The following PCDH11X variants were observed in gnomAD, a reference collection of about 807,000 sequenced individuals.
PCDH11X encodes the protein protocadherin-11 X-linked.
A neutral mutation model predicts 53.3 loss-of-function variants in PCDH11X; 18 were observed. The observed-to-expected ratio is 0.34, with a 90% CI of 0.23 to 0.50. The LOEUF is 0.50. Ranked by LOEUF, PCDH11X falls within the 20% of genes least tolerant of loss-of-function variation. The pLI is 0.98. For missense variants in PCDH11X, 570 were observed against 1,032.4 expected (o/e 0.55, Z 6.14); for synonymous variants, 279 against 393.3 (o/e 0.71, Z 3.44).
intron 7 of PCDH11X, among the ~76,000 whole-genome samples, chrX:92,245,320 A>T (rs148276977): frequency 0.016 from 1,743 of 112,188 alleles, 31 homozygotes; most frequent in African/African-American, 0.054. Flanking sequence ...TGGCAGCATG[A>T]TAGATATTGG....
In PCDH11X at chrX:92,475,122, G is replaced by A. The variant is rs866712408; in HGVS notation, c.3367+6800G>A. On this transcript the variant is annotated intron_variant, in intron 10 of 10. Transcript: ENST00000682573. ...GGAGCTTGCAGTGAGCCGAGATCCC[G>A]CCACTGCACTCCAGCCTGGGCGACA... is the stretch of plus-strand genomic sequence containing the variant. 4.2e-3 allele frequency among the ~76,000 whole-genome samples: 329 copies of A among 77,951 alleles called. 1 individual carries two copies. Among genetic ancestry groups the A allele is most frequent in the African/African-American group, 0.016 (299 of 18,468 alleles). 67.7% of individuals were successfully genotyped at this position (77,951 alleles called of 115,157 possible).
At chrX:92,506,128 T>C (rs2074052238) in intron 10 of PCDH11X, among the ~76,000 whole-genome samples, 1 of 110,469 alleles carries the variant, frequency 9.1e-6, no homozygotes, top group African/African-American at 3.3e-5. Context: ...TTTGAATTAA[T>C]GTTTGGATAA....
chrX:91,890,451 T>A (rs1940423266), intron 6 of PCDH11X, among the ~76,000 whole-genome samples: 1 of 75,027 alleles, frequency 1.3e-5, no homozygotes, highest in Non-Finnish European at 3.2e-5. Flanking sequence ...TTTAAAAAAA[T>A]TATTTGTCTG....
intron 6 of PCDH11X, among the ~76,000 whole-genome samples, chrX:92,045,116 C>G: frequency 9.6e-6 from 1 of 104,352 alleles, no homozygotes; most frequent in Admixed American, 1.1e-4. Context: ...TTTTTCTCTC[C>G]TCCTCTGCTC....
chrX:92,618,221 C>T (rs1221683036), intron 10 of PCDH11X, 43 bp from the exon 11 acceptor site: 3 of 1,163,817 alleles, frequency 2.6e-6, no homozygotes, highest in South Asian at 3.8e-5. Flanking sequence ...AAAAATATGC[C>T]TTTGAAATAT....
At chrX:92,170,949 G>A (rs775703056) in intron 6 of PCDH11X, among the ~76,000 whole-genome samples, 118 of 77,394 alleles carry the variant, frequency 1.5e-3, no homozygotes, top group African/African-American at 4.9e-3. Context: ...GATCCACTGC[G>A]CCCGGCCAAG....
chrX:92,082,463 C>A lies in PCDH11X; in HGVS notation c.3034-118912C>A, dbSNP rs183199006. ...TGCTCTTGTTGTCACAAGGATAATA[C>A]GGAGTATTTAAAAATGAGTGATAAG... On this transcript the variant is annotated intron_variant, in intron 6 of 10. Transcript: ENST00000682573. Among the ~76,000 whole-genome samples, 41 of 111,100 alleles carry A rather than the reference C, an allele frequency of 3.7e-4. No homozygotes were observed. The East Asian group carries it at 0.011, about 30-fold the overall frequency.
At position 91,913,224 on chromosome X, in the gene PCDH11X, G is replaced by A. The variant is rs1190006377; in HGVS notation, c.3033+33951G>A. Among the ~76,000 whole-genome samples the A allele has an allele frequency of 4.5e-5, 5 of 111,269 alleles. No individual in the cohort carries two copies. The East Asian group carries it at 1.4e-3, about 32-fold the overall frequency. ...TTGAGTCCAGTCTGGGGGATGGGAG[G>A]GAGCTGCTGCACATACAAGCAAGTG... On this transcript the variant is annotated intron_variant, in intron 6 of 10. Transcript: ENST00000682573.
chrX:92,175,776 GTA>G (rs1307418902), intron 6 of PCDH11X, among the ~76,000 whole-genome samples: 2,565 of 79,260 alleles, frequency 0.032, 71 homozygotes, highest in East Asian at 0.23. Context: ...GTGTGTGTGT[GTA>G]TATATATACA....
At chrX:92,120,807 A>G (rs1009960345) in intron 6 of PCDH11X, among the ~76,000 whole-genome samples, 14 of 111,852 alleles carry the variant, frequency 1.3e-4, no homozygotes, top group African/African-American at 4.2e-4. Context: ...GGCATAAATG[A>G]TTTAGACTGA....
intron 10 of PCDH11X, among the ~76,000 whole-genome samples, chrX:92,492,295 T>C (rs142464039): frequency 1.7e-4 from 19 of 112,065 alleles, no homozygotes; most frequent in African/African-American, 6.2e-4. Flanking sequence ...TAAACTTTGA[T>C]GTAACCCACA....
intron 6 of PCDH11X, chrX:91,883,703 G>A (rs1292754820): frequency 2.0e-5 from 11 of 537,791 alleles, no homozygotes; most frequent in African/African-American, 2.6e-5. Flanking sequence ...TACTCGGGAG[G>A]CTGAGGCAGG....
chrX:92,577,170 C>A (rs1923080144), intron 10 of PCDH11X, among the ~76,000 whole-genome samples: 1 of 110,257 alleles, frequency 9.1e-6, no homozygotes, highest in South Asian at 3.8e-4. Context: ...AATCCATCTG[C>A]TCCTAGACTT....
In PCDH11X at chrX:92,494,076, ACC is replaced by A. The variant is rs750618073; in HGVS notation, c.3367+25756_3367+25757del. Among the ~76,000 whole-genome samples the A allele has an allele frequency of 3.3e-3, 355 of 107,325 alleles. 2 individuals are homozygous for A. Among genetic ancestry groups the A allele is most frequent in the African/African-American group, 0.012 (342 of 29,632 alleles). 93.2% of individuals were successfully genotyped at this position (107,325 alleles called of 115,157 possible). A position where few individuals can be genotyped will look rare whatever the true frequency, so the allele number is the denominator to read the frequency against. On this transcript the variant is annotated intron_variant, in intron 10 of 10. Transcript: ENST00000682573. ...AGAAGCATCTGCTGAAGAGTTAAACACCCATACCAAAAGAACCATTTCGCTAT... is the reference window on the plus strand; with the variant it reads ...AGAAGCATCTGCTGAAGAGTTAAACACATACCAAAAGAACCATTTCGCTAT...
chrX:92,174,807 C>T (rs774800666), intron 6 of PCDH11X, among the ~76,000 whole-genome samples: 1 of 111,235 alleles, frequency 9.0e-6, no homozygotes, highest in South Asian at 3.8e-4. Context: ...GATGTTAAGA[C>T]CTAGAGGCTC....
At chrX:92,438,245 T>A (rs756331658) in intron 9 of PCDH11X, among the ~76,000 whole-genome samples, 1 of 111,934 alleles carries the variant, frequency 8.9e-6, no homozygotes, top group East Asian at 2.8e-4. Flanking sequence ...AAAAATTGCA[T>A]GTATATTGCA....
chrX:92,357,355 C>T (rs1471588312), intron 8 of PCDH11X, among the ~76,000 whole-genome samples: 2 of 111,453 alleles, frequency 1.8e-5, no homozygotes, highest in Non-Finnish European at 3.8e-5. Context: ...TTTCATTTAA[C>T]TAATTTGGAA....
chrX:92,098,080 T>C (rs1214101637), intron 6 of PCDH11X, among the ~76,000 whole-genome samples: 2 of 111,129 alleles, frequency 1.8e-5, no homozygotes, highest in African/African-American at 6.5e-5. Flanking sequence ...ATGTATGTAT[T>C]CAAATAATGA....
intron 3 of PCDH11X, 21 bp downstream of exon 3, chrX:91,810,599 C>T: frequency 8.9e-6 from 1 of 111,845 alleles, no homozygotes; most frequent in East Asian, 2.8e-4. Context: ...GTTTTGCTAT[C>T]CTCCTTAAAG....
Sources: gnomAD v4.1 joint callset for allele counts (sites outside exome capture counted in the v4.1 genomes callset) on GRCh38, gnomAD v4.1.1 for gene constraint, MANE v1.5 for transcripts, NCBI Gene and HGNC (gene_info 2026-07-23, HGNC 2026-07-21) for gene names.